The following DACH2 variants were observed in gnomAD, a reference collection of about 807,000 sequenced individuals.
DACH2 encodes the protein dachshund family transcription factor 2, also known as dachshund homolog 2.
Under a neutral mutation model 35.8 loss-of-function variants are expected in DACH2, and 17 were observed. The observed-to-expected ratio is 0.48, with a 90% CI of 0.33 to 0.71. DACH2 has a LOEUF of 0.71. Ranked by LOEUF, DACH2 falls within the 30% of genes least tolerant of loss-of-function variation. The pLI is 0.02. For synonymous variants in DACH2, 195 were observed against 177.3 expected, an observed-to-expected ratio of 1.10 and a Z score of -0.79; for missense variants, 469 against 472.7, an observed-to-expected ratio of 0.99 and a Z score of 0.07.
Position 86,148,611 on chromosome X carries a change from C to T in DACH2, c.-10C>T. The T allele has an allele frequency of 8.7e-7, 1 of 1,154,160 alleles. No homozygotes were observed. The highest frequency in any genetic ancestry group is 1.2e-6 in the Non-Finnish European group (1 of 866,922). On this transcript the variant is annotated 5_prime_UTR_variant, in exon 1 of 12. Coordinates refer to ENST00000373125, the MANE Select transcript of DACH2 (RefSeq NM_053281.3). ...AGGGCCGGAGGACCCACGATAGAGACAGAGTGACCATGGCTGTCTCCGCAT... is the reference window on the plus strand; with the variant it reads ...AGGGCCGGAGGACCCACGATAGAGATAGAGTGACCATGGCTGTCTCCGCAT...
chrX:86,523,080 AG>A (rs755903048), intron 3 of DACH2, among the ~76,000 whole-genome samples: 1 of 112,031 alleles, frequency 8.9e-6, no homozygotes, highest in African/African-American at 3.2e-5. Context: ...ATTCCTTAAA[AG>A]GTTCTTAAGC....
intron 7 of DACH2, among the ~76,000 whole-genome samples, chrX:86,752,857 A>C (rs2041788879): frequency 9.0e-6 from 1 of 111,543 alleles, no homozygotes. Flanking sequence ...AATTAGCTTA[A>C]TCCTGAATAT....
intron 3 of DACH2, among the ~76,000 whole-genome samples, chrX:86,589,035 C>A (rs1299606752): frequency 9.0e-6 from 1 of 111,428 alleles, no homozygotes; most frequent in Non-Finnish European, 1.9e-5. Flanking sequence ...AGTTATGATT[C>A]TTCAATGCCT....
chrX:86,605,906 A>G lies in DACH2; in HGVS notation c.641-45130A>G, dbSNP rs184255323. Among the ~76,000 whole-genome samples, 94 of 110,761 alleles carry G rather than the reference A, an allele frequency of 8.5e-4. 1 individual carries two copies. Among genetic ancestry groups the G allele is most frequent in the Non-Finnish European group, 1.6e-3 (84 of 52,694 alleles). On this transcript the variant is annotated intron_variant, in intron 3 of 11. Coordinates refer to ENST00000373125, the MANE Select transcript of DACH2 (RefSeq NM_053281.3). ...TTTAAAAAACTATTGTTTTAATTTT[A>G]TACTTTCTTTTAGTTTACATCTCTG...
At chrX:86,444,762 ATTT>A (rs1186953623) in intron 2 of DACH2, among the ~76,000 whole-genome samples, 1 of 109,490 alleles carries the variant, frequency 9.1e-6, no homozygotes, top group Non-Finnish European at 1.9e-5. Flanking sequence ...GTGCTCTTTT[ATTT>A]TTTATTTATT....
chrX:86,362,989 G>A lies in DACH2; in HGVS notation c.489-13835G>A, dbSNP rs747317346. 4.0e-3 allele frequency among the ~76,000 whole-genome samples: 438 copies of A among 110,150 alleles called. 1 individual carries two copies. The highest frequency in any genetic ancestry group is 6.2e-3 in the Non-Finnish European group (324 of 52,533). ...AAACTCAGTGCTTCAAAGCACTGTG[G>A]GTACTTTAAATATAGGAAAATAATG... On this transcript the variant is annotated intron_variant, in intron 1 of 11. Coordinates refer to ENST00000373125, the MANE Select transcript of DACH2 (RefSeq NM_053281.3).
At chrX:86,232,699 T>C (rs1409765626) in intron 1 of DACH2, among the ~76,000 whole-genome samples, 2 of 112,048 alleles carry the variant, frequency 1.8e-5, no homozygotes, top group African/African-American at 6.5e-5. Flanking sequence ...AAACAGATAC[T>C]GGCAAGGTTG....
At chrX:86,686,047 G>A (rs2040938792) in intron 4 of DACH2, among the ~76,000 whole-genome samples, 1 of 111,463 alleles carries the variant, frequency 9.0e-6, no homozygotes, top group South Asian at 3.7e-4. Context: ...CTCAAATTCA[G>A]ATAAGAAAAT....
In DACH2 at chrX:86,157,616, CAT is replaced by C. The variant is rs751538881; in HGVS notation, c.488+8509_488+8510del. ...TGAACATCTGTGCTATTTTTCCACT[CAT>C]GTGTTTATGGGTTTGTATAAAAGGT... is the stretch of plus-strand genomic sequence containing the variant. On this transcript the variant is annotated intron_variant, in intron 1 of 11. Transcript: ENST00000373125. Among the ~76,000 whole-genome samples the C allele has an allele frequency of 2.8e-3, 309 of 111,019 alleles. 2 individuals carry two copies. Among genetic ancestry groups the C allele is most frequent in the African/African-American group, 9.0e-3 (276 of 30,645 alleles).
intron 2 of DACH2, among the ~76,000 whole-genome samples, chrX:86,385,933 C>G (rs2036115822): frequency 8.9e-6 from 1 of 111,755 alleles, no homozygotes; most frequent in South Asian, 3.7e-4. Context: ...AAATACTGCA[C>G]TGAGAGTTCC....
In DACH2 at chrX:86,453,405, A is replaced by G. The variant is rs142771509; in HGVS notation, c.528-60874A>G. ...TCTCATTGGTCTATCTTATATTGTC[A>G]GTGAGGTTTTAACTTCTTCCACTAT... On this transcript the variant is annotated intron_variant, in intron 2 of 11. Coordinates refer to ENST00000373125, the MANE Select transcript of DACH2 (RefSeq NM_053281.3). 8.4e-3 allele frequency among the ~76,000 whole-genome samples: 935 copies of G among 111,723 alleles called. 3 individuals are homozygous for G. Among genetic ancestry groups the G allele is most frequent in the Admixed American group, 0.016 (173 of 10,493 alleles).
At chrX:86,570,684 C>T (rs186290065) in intron 3 of DACH2, among the ~76,000 whole-genome samples, 2 of 109,643 alleles carry the variant, frequency 1.8e-5, no homozygotes, top group African/African-American at 6.6e-5. Context: ...CCATGGCACA[C>T]GTTTACCTAT....
chrX:86,286,340 C>A (rs183407412), intron 1 of DACH2, among the ~76,000 whole-genome samples: 1 of 109,588 alleles, frequency 9.1e-6, no homozygotes, highest in Non-Finnish European at 1.9e-5. Context: ...CCTTGTTAGC[C>A]AGGTTGGTCT....
chrX:86,695,206 G>T (rs747528424), intron 5 of DACH2, 27 bp downstream of exon 5: 1 of 973,626 alleles, frequency 1.0e-6, no homozygotes, highest in Admixed American at 4.6e-5. Flanking sequence ...CACAAAACTG[G>T]GTGTGTTGAA....
intron 1 of DACH2, among the ~76,000 whole-genome samples, chrX:86,285,932 A>G (rs2034134725): frequency 1.8e-5 from 2 of 110,289 alleles, no homozygotes; most frequent in Non-Finnish European, 3.8e-5. Flanking sequence ...TTTGTCTCAT[A>G]GTTTTTTTTC....
chrX:86,339,036 T>C (rs1336069800), intron 1 of DACH2, among the ~76,000 whole-genome samples: 1 of 111,679 alleles, frequency 9.0e-6, no homozygotes, highest in African/African-American at 3.3e-5. Flanking sequence ...AATCCCTGAA[T>C]AGACCAATAA....
Position 86,812,965 on chromosome X carries a change from T to C in DACH2, c.1350T>C (p.Asp450=), listed in dbSNP as rs773157038. ...TCCCTGGACCATTCATTTTTGCTGA[T>C]AGTCTGTCCTCCGTGGAGACTCTGT... is the stretch of plus-strand genomic sequence containing the variant. ...AGFPGPFIFA[D]SLSSVETLLT... Residue 450 remains aspartate, a synonymous_variant, in exon 8 of 12, where the codon GAT becomes GAC. Transcript: ENST00000373125. 6.6e-6 allele frequency: 8 copies of C among 1,207,525 alleles called. No individual in the cohort carries two copies. The South Asian group carries it at 1.4e-4, about 21-fold the overall frequency.
intron 1 of DACH2, among the ~76,000 whole-genome samples, chrX:86,194,295 A>G (rs2031915683): frequency 8.9e-6 from 1 of 111,758 alleles, no homozygotes; most frequent in Non-Finnish European, 1.9e-5. Context: ...AAACTTATAT[A>G]CTCACTAAAA....
At chrX:86,293,553 G>A (rs1322747339) in intron 1 of DACH2, among the ~76,000 whole-genome samples, 6 of 110,040 alleles carry the variant, frequency 5.5e-5, no homozygotes, top group Admixed American at 9.7e-5. Flanking sequence ...ATTTGGCAGC[G>A]GCTGGTACCG....
Sources: allele counts gnomAD v4.1 joint callset (sites outside exome capture counted in the v4.1 genomes callset), GRCh38; gene constraint gnomAD v4.1.1; transcripts MANE v1.5; gene names NCBI Gene and HGNC (gene_info 2026-07-23, HGNC 2026-07-21).